The following PFKFB3 variants were observed in gnomAD, a reference collection of about 807,000 sequenced individuals.
PFKFB3 encodes the protein 6-phosphofructo-2-kinase/fructose-2,6-bisphosphatase 3.
Under a neutral mutation model 68.0 loss-of-function variants are expected in PFKFB3, and 33 were observed. The ratio of observed to expected loss-of-function variants is 0.49; its 90% CI spans 0.37 to 0.65. The LOEUF is 0.65. Among genes scored for constraint, PFKFB3 ranks in the 30% least tolerant of loss-of-function variants. PFKFB3 has a pLI of 0.00. For synonymous variants in PFKFB3, 315 were observed against 288.2 expected, an observed-to-expected ratio of 1.09 and a Z score of -0.94; for missense variants, 586 against 712.2, an observed-to-expected ratio of 0.82 and a Z score of 2.02.
intron 1 of PFKFB3, among the ~76,000 whole-genome samples, chr10:6,156,163 GTA>G (rs1491394805): frequency 3.3e-5 from 5 of 149,480 alleles, no homozygotes; most frequent in African/African-American, 1.2e-4. Context: ...GTGTGTGTGT[GTA>G]TTTTTAGAGG....
At chr10:6,181,555 C>T (rs925909573) in intron 1 of PFKFB3, among the ~76,000 whole-genome samples, 2 of 152,206 alleles carry the variant, frequency 1.3e-5, no homozygotes, top group African/African-American at 4.8e-5. Context: ...TGCAGTGGCT[C>T]ACGCCTGTAA....
Position 6,215,409 on chromosome 10 carries a change from G to T in PFKFB3, c.299+92G>T. ...GGCTGCAGGAGTAAGGCTGGGCCGC[G>T]GGCGTAGGGCTGGGCTGTGGGAATA... On this transcript the variant is annotated intron_variant, in intron 3 of 14. Transcript: ENST00000379775. This position sits in a 1 kb window ranked among gnomAD's most constrained non-coding sequence, Gnocchi z 4.3. The T allele has an allele frequency of 1.1e-6, 1 of 916,838 alleles. No homozygotes were observed. The highest frequency in any genetic ancestry group is 1.7e-6 in the Non-Finnish European group (1 of 572,046). The allele number at this position is 916,838 out of a possible 1,614,324, so 56.8% of individuals were successfully genotyped here.
chr10:6,211,837 A>G (rs1380629224), intron 1 of PFKFB3, among the ~76,000 whole-genome samples: 1 of 152,172 alleles, frequency 6.6e-6, no homozygotes, highest in East Asian at 1.9e-4. Flanking sequence ...AAGGCCACTA[A>G]TGGTCTCCAA....
chr10:6,244,943 G>A (rs1485509049), intron 14 of PFKFB3, among the ~76,000 whole-genome samples: 1 of 152,124 alleles, frequency 6.6e-6, no homozygotes, highest in African/African-American at 2.4e-5. Flanking sequence ...GAGATTTTTA[G>A]TCTTAGAAGC....
At position 6,229,346 on chromosome 10, in the gene PFKFB3, G is replaced by C. The variant is rs1389456036; in HGVS notation, c.1515+2981G>C. Among the ~76,000 whole-genome samples, 2 of 152,222 alleles carry C rather than the reference G, an allele frequency of 1.3e-5. No individual in the cohort carries two copies. Among genetic ancestry groups the C allele is most frequent in the African/African-American group, 4.8e-5 (2 of 41,466 alleles). Reference sequence around the variant, plus strand: ...GAGTGACCGGCCCGTGCTTCCAGCAGGTGAGCCGCAGAGCCGGGGCCTGAA... The same window carrying C: ...GAGTGACCGGCCCGTGCTTCCAGCACGTGAGCCGCAGAGCCGGGGCCTGAA... On this transcript the variant is annotated intron_variant, in intron 14 of 14. Transcript: ENST00000379775. This position sits in a 1 kb window ranked among gnomAD's most constrained non-coding sequence, Gnocchi z 4.3.
intron 1 of PFKFB3, among the ~76,000 whole-genome samples, chr10:6,212,903 T>C (rs1844322293): frequency 6.6e-6 from 1 of 152,148 alleles, no homozygotes; most frequent in Admixed American, 6.5e-5. Context: ...CCTCTCTGTC[T>C]CTTGACCCCT....
At chr10:6,280,031 T>C in the PFKFB3 span, among the ~76,000 whole-genome samples, 1 of 152,186 alleles carries the variant, frequency 6.6e-6, no homozygotes, top group Non-Finnish European at 1.5e-5. Flanking sequence ...CTTTCCACGC[T>C]GTCCGTGTCA....
chr10:6,211,959 C>A (rs1254706160), intron 1 of PFKFB3, among the ~76,000 whole-genome samples: 2 of 152,234 alleles, frequency 1.3e-5, no homozygotes, highest in African/African-American at 4.8e-5. Context: ...CTGCTGGGGG[C>A]TCCGGCTTAC....
upstream of PFKFB3, among the ~76,000 whole-genome samples, chr10:6,201,691 T>C (rs1256908582): frequency 6.6e-6 from 1 of 152,162 alleles, no homozygotes; most frequent in East Asian, 1.9e-4. This position sits in a 1 kb window ranked among gnomAD's most constrained non-coding sequence, Gnocchi z 4.1. Context: ...CGCCGCGGTG[T>C]AGGTTTCAGC....
intron 1 of PFKFB3, among the ~76,000 whole-genome samples, chr10:6,188,166 C>T (rs982098974): frequency 2.6e-5 from 4 of 151,904 alleles, no homozygotes; most frequent in Non-Finnish European, 5.9e-5. Context: ...TAGACGCAGA[C>T]ATGATGCCCT....
At chr10:6,273,120 T>A in the PFKFB3 span, among the ~76,000 whole-genome samples, 2 of 151,048 alleles carry the variant, frequency 1.3e-5, no homozygotes, top group Non-Finnish European at 2.9e-5. Context: ...AATTCTCCTG[T>A]CTCAGCCTCC....
intron 1 of PFKFB3, among the ~76,000 whole-genome samples, chr10:6,175,838 GGC>G (rs1403070569): frequency 3.3e-5 from 5 of 152,176 alleles, no homozygotes; most frequent in African/African-American, 1.2e-4. Flanking sequence ...TAGTTAGAGT[GGC>G]TAACAAGAAA....
At chr10:6,145,284 G>T (rs1355868000) in intron 1 of PFKFB3, among the ~76,000 whole-genome samples, 3 of 150,992 alleles carry the variant, frequency 2.0e-5, no homozygotes, top group African/African-American at 7.3e-5. Context: ...CCGGCCTCGC[G>T]TCTCCTTTCC....
At chr10:6,152,379 C>T (rs1259439026) in intron 1 of PFKFB3, 1 of 152,572 alleles carries the variant, frequency 6.6e-6, no homozygotes, top group Non-Finnish European at 1.5e-5. Flanking sequence ...CCCGTCCACA[C>T]TGCTGTGGAG....
chr10:6,317,549 A>G, the PFKFB3 span, among the ~76,000 whole-genome samples: 1 of 152,206 alleles, frequency 6.6e-6, no homozygotes, highest in Non-Finnish European at 1.5e-5. Flanking sequence ...AAGAAAGAGT[A>G]TGCATTTGTA....
At chr10:6,249,260 C>G (rs139787557) in intron 14 of PFKFB3, among the ~76,000 whole-genome samples, 34 of 150,010 alleles carry the variant, frequency 2.3e-4, no homozygotes, top group African/African-American at 7.8e-4. Context: ...AGTACAGCCA[C>G]TATGAAAAAT....
chr10:6,234,699 G>C lies in PFKFB3; in HGVS notation c.*1757G>C, dbSNP rs1040002616. 1 of 152,236 alleles carries C rather than the reference G, an allele frequency of 6.6e-6. No homozygotes were observed. Among genetic ancestry groups the C allele is most frequent in the Non-Finnish European group, 1.5e-5 (1 of 68,030 alleles). 9.4% of individuals were successfully genotyped at this position (152,236 alleles called of 1,614,324 possible). A position where few individuals can be genotyped will look rare whatever the true frequency, so the allele number is the denominator to read the frequency against. ...TGTGCTTAACTTGGTTGTATTTTTC[G>C]ATTTGACATGGAAGGCCTGTTGCTT... On this transcript the variant is annotated 3_prime_UTR_variant, in exon 15 of 15. Coordinates refer to ENST00000379775, the MANE Select transcript of PFKFB3 (RefSeq NM_004566.4).
chr10:6,277,730 C>A, the PFKFB3 span: 1 of 418,574 alleles, frequency 2.4e-6, no homozygotes, highest in Non-Finnish European at 4.8e-6. Context: ...GAGCAGATGC[C>A]AGCACCACGC....
At chr10:6,214,818 C>T (rs372695477) in intron 2 of PFKFB3, among the ~76,000 whole-genome samples, 5 of 152,228 alleles carry the variant, frequency 3.3e-5, no homozygotes, top group South Asian at 2.1e-4. Context: ...CTAGATCTGG[C>T]GGTGGGCATG....
Sources: allele counts gnomAD v4.1 joint callset (sites outside exome capture counted in the v4.1 genomes callset), GRCh38; gene constraint gnomAD v4.1.1; non-coding constraint Gnocchi (gnomAD v3.1); transcripts MANE v1.5; gene names NCBI Gene and HGNC (gene_info 2026-07-23, HGNC 2026-07-21).